SDS: variants seen among roughly 807,000 people sequenced by gnomAD.
SDS encodes the protein serine dehydratase.
A neutral mutation model predicts 29.3 loss-of-function variants in SDS; 19 were observed. That is an observed-to-expected ratio of 0.65 (90% CI 0.45 to 0.95). The LOEUF (loss-of-function observed/expected upper bound fraction) is 0.95. SDS is among the 40% of genes least tolerant of loss of function. The pLI is 0.00. For missense variants in SDS, 375 were observed against 439.9 expected, an observed-to-expected ratio of 0.85 and a Z score of 1.32; for synonymous variants, 176 against 189.0, an observed-to-expected ratio of 0.93 and a Z score of 0.56.
At chr12:113,399,004 G>T in intron 3 of SDS, 108 bp downstream of exon 3, 2 of 1,561,442 alleles carry the variant, frequency 1.3e-6, no homozygotes, top group Admixed American at 1.7e-5. Context: ...GGTGGCTGCT[G>T]CCATTGTTTT....
intron 6 of SDS, chr12:113,396,939 T>C: frequency 1.7e-6 from 1 of 581,736 alleles, no homozygotes; most frequent in Non-Finnish European, 3.1e-6. Context: ...GTGCCCAGCC[T>C]CATATGAGGC....
At chr12:113,398,912 T>A in intron 3 of SDS, 66 bp from the exon 4 acceptor site, 3 of 1,540,376 alleles carry the variant, frequency 1.9e-6, no homozygotes, top group Non-Finnish European at 2.6e-6. Context: ...CAGGACTGCG[T>A]ACCCTCTACT....
chr12:113,397,429 A>G (rs766728658), intron 5 of SDS, 37 bp from the exon 6 acceptor site: 7 of 1,546,336 alleles, frequency 4.5e-6, no homozygotes, highest in Non-Finnish European at 6.2e-6. Context: ...GGTCAGGGCT[A>G]GGCTTCCTGG....
At position 113,392,999 on chromosome 12, in the gene SDS, A is replaced by T; in HGVS notation, c.929T>A (p.Leu310Gln). 6.2e-7 allele frequency: 1 copy of T among 1,614,196 alleles called. No individual in the cohort carries two copies. The highest frequency in any genetic ancestry group is 8.5e-7 in the Non-Finnish European group (1 of 1,180,034). Reference protein sequence around the residue: ...VIVCGGSNISLAQLRALKEQL... With the variant: ...VIVCGGSNISQAQLRALKEQL... ...TTCCTTGAGCGCCCGCAGCTGGGCCAGGCTGATGTTGCTGCCCCCGCAGAC... is the reference window on the plus strand; with the variant it reads ...TTCCTTGAGCGCCCGCAGCTGGGCCTGGCTGATGTTGCTGCCCCCGCAGAC... The change falls in exon 8 of 8, where the codon CTG (leucine) becomes CAG (glutamine). Residue 310 changes from leucine to glutamine, a missense_variant. By Grantham distance (113) the Leu-to-Gln change is moderately radical. Coordinates refer to ENST00000257549, the MANE Select transcript of SDS (RefSeq NM_006843.3).
intron 1 of SDS, among the ~76,000 whole-genome samples, chr12:113,403,384 C>T (rs567953180): frequency 1.6e-4 from 24 of 152,070 alleles, no homozygotes; most frequent in African/African-American, 5.5e-4. Flanking sequence ...ATTAGCCGGG[C>T]GTGGTGGCAC....
At chr12:113,393,752 A>T (rs1446345363) in intron 7 of SDS, 140 bp downstream of exon 7, 1 of 1,090,764 alleles carries the variant, frequency 9.2e-7, no homozygotes, top group Non-Finnish European at 1.3e-6. Context: ...ATCTTCTATT[A>T]ATGGAAAATT....
rs1957628311 is a variant in SDS at position 113,393,938 on chromosome 12, T to G, written c.732A>C (p.Glu244Asp). The G allele has an allele frequency of 6.2e-7, 1 of 1,613,998 alleles. No individual in the cohort carries two copies. The highest frequency in any genetic ancestry group is 1.3e-5 in the African/African-American group (1 of 74,908). Residue 244 changes from glutamate (E) to aspartate (D), a missense_variant, in exon 7 of 8, where the codon GAA (glutamate) becomes GAC (aspartate). Transcript: ENST00000257549. The part of the protein sequence containing the change: ...KLFQEHPIFS[E>D]VISDQEAVAA... ...CCACAGCCTCCTGGTCCGAGATAAC[T>G]TCAGAGAAAATGGGGTGTTCCTGAA...
chr12:113,396,028 G>A (rs868557991), intron 6 of SDS, among the ~76,000 whole-genome samples: 8 of 152,330 alleles, frequency 5.3e-5, no homozygotes, highest in South Asian at 2.1e-4. Context: ...GAACTTGGGA[G>A]GCAGAGGTTG....
At chr12:113,403,468 G>A (rs967871052) in intron 1 of SDS, among the ~76,000 whole-genome samples, 29 of 152,066 alleles carry the variant, frequency 1.9e-4, no homozygotes, top group African/African-American at 7.0e-4. Flanking sequence ...AGGTTGCAGT[G>A]AGCCCAGATT....
intron 6 of SDS, among the ~76,000 whole-genome samples, chr12:113,394,621 T>C (rs1242363259): frequency 1.3e-5 from 2 of 152,162 alleles, no homozygotes; most frequent in Non-Finnish European, 2.9e-5. Flanking sequence ...ATTACAGGCA[T>C]GAGCCACCAT....
intron 6 of SDS, among the ~76,000 whole-genome samples, chr12:113,396,305 C>A (rs1046019371): frequency 1.3e-5 from 2 of 149,576 alleles, no homozygotes; most frequent in Non-Finnish European, 3.0e-5. Context: ...TCCTATGAGA[C>A]CTTCCTTCCT....
Position 113,397,160 on chromosome 12 carries a change from C to T in SDS, c.653+5G>A. 1 of 1,613,822 alleles carries T rather than the reference C, an allele frequency of 6.2e-7. No homozygotes were observed. The highest frequency in any genetic ancestry group is 8.5e-7 in the Non-Finnish European group (1 of 1,179,726). On this transcript the variant is annotated splice_donor_5th_base_variant and intron_variant, in intron 6 of 7. Coordinates refer to ENST00000257549, the MANE Select transcript of SDS (RefSeq NM_006843.3). The stretch of plus-strand genomic sequence containing the variant: ...ACACCCGAGGGAGGCACCCCAGCTG[C>T]TCACCTGGTGATCTTGGGCAGGGAG...
Position 113,396,486 on chromosome 12 carries a change from T to TCTTTCCTTC in SDS, c.653+678_653+679insGAAGGAAAG, listed in dbSNP as rs1555207521. 1.6e-5 allele frequency among the ~76,000 whole-genome samples: 2 copies of TCTTTCCTTC among 126,584 alleles called. 1 individual carries two copies. Among genetic ancestry groups the TCTTTCCTTC allele is most frequent in the Admixed American group, 1.8e-4 (2 of 11,126 alleles). 83.0% of individuals were successfully genotyped at this position (126,584 alleles called of 152,430 possible). On this transcript the variant is annotated intron_variant, in intron 6 of 7. Coordinates refer to ENST00000257549, the MANE Select transcript of SDS (RefSeq NM_006843.3). ...TTCTCCTTTTTTCTTTCTTTCTCTC[T>TCTTTCCTTC]CTTTCTTTCCTCTTCCTTTCTCCTT...
chr12:113,397,067 G>T, intron 6 of SDS, 98 bp downstream of exon 6: 1 of 1,094,838 alleles, frequency 9.1e-7, no homozygotes, highest in Non-Finnish European at 1.3e-6. Context: ...TGTCTCATCT[G>T]TGAAACAGGC....
At chr12:113,400,631 T>C (rs187745123) in intron 1 of SDS, among the ~76,000 whole-genome samples, 38 of 151,934 alleles carry the variant, frequency 2.5e-4, no homozygotes, top group Non-Finnish European at 5.0e-4. Flanking sequence ...CACACACACA[T>C]ATAGTCCACA....
Position 113,392,700 on chromosome 12 carries a change from C to T in SDS, c.*241G>A, listed in dbSNP as rs1005559374. The T allele has an allele frequency of 9.7e-6, 5 of 513,238 alleles. 1 individual carries two copies. Among genetic ancestry groups the T allele is most frequent in the African/African-American group, 3.9e-5 (2 of 51,512 alleles). 31.8% of individuals were successfully genotyped at this position (513,238 alleles called of 1,614,324 possible). On this transcript the variant is annotated 3_prime_UTR_variant, in exon 8 of 8. Transcript: ENST00000257549. ...GTGTGTTACTTGTGGGCACTTGTCA[C>T]GCCAGCAAGTTGGCTAAGGATGGGC...
At chr12:113,393,617 C>T (rs1034302306) in intron 7 of SDS, among the ~76,000 whole-genome samples, 1 of 152,242 alleles carries the variant, frequency 6.6e-6, no homozygotes, top group Non-Finnish European at 1.5e-5. Flanking sequence ...TGCCAGGAAA[C>T]TCAGAAGCAA....
In SDS at chr12:113,397,308, C is replaced by T. The variant is rs1342144434; in HGVS notation, c.510G>A (p.Gly170=). 1.2e-6 allele frequency: 2 copies of T among 1,614,106 alleles called. No homozygotes were observed. The highest frequency in any genetic ancestry group is 1.7e-5 in the Admixed American group (1 of 60,030). ...PGAIALSVGG[G]GLLCGVVQGL... is the part of the protein sequence containing the mutation. ...CCTGGACCACTCCACACAGCAGGCC[C>T]CCGCCGCCCACTGACAGCGCGATGG... Residue 170 remains glycine (G), a synonymous_variant, in exon 6 of 8, where the codon GGG becomes GGA. Coordinates refer to ENST00000257549, the MANE Select transcript of SDS (RefSeq NM_006843.3).
chr12:113,396,557 CCTTCCTTCCTTCCTTCCTTCCTTCCT>C (rs1957647487), intron 6 of SDS: 3 of 62,218 alleles, frequency 4.8e-5, no homozygotes, highest in African/African-American at 1.3e-4. Context: ...TTCCTTCCTT[CCTTCCTTCCTTCCTTCCTTCCTTCCT>C]TCCTTCCTTC....
Sources: allele counts gnomAD v4.1 joint callset (sites outside exome capture counted in the v4.1 genomes callset), GRCh38; gene constraint gnomAD v4.1.1; transcripts MANE v1.5; gene names NCBI Gene and HGNC (gene_info 2026-07-23, HGNC 2026-07-21).